CREBL2: variants seen among roughly 807,000 people sequenced by gnomAD.
CREBL2 encodes the protein cAMP responsive element binding protein like 2.
CREBL2 carries 4 observed loss-of-function variants against 19.5 expected under a neutral mutation model. The observed-to-expected ratio is 0.20, with a 90% CI of 0.10 to 0.47. The LOEUF is 0.47. Among genes scored for constraint, CREBL2 ranks in the 20% least tolerant of loss-of-function variants. CREBL2 has a pLI of 0.98. For missense variants in CREBL2, 85 were observed against 145.1 expected, an observed-to-expected ratio of 0.59 and a Z score of 2.13; for synonymous variants, 42 against 46.6, an observed-to-expected ratio of 0.90 and a Z score of 0.40.
rs183465932 is a variant in CREBL2 at position 12,629,276 on chromosome 12, C to G, written c.16-6501C>G. On this transcript the variant is annotated intron_variant, in intron 1 of 3. Coordinates refer to ENST00000228865, the MANE Select transcript of CREBL2 (RefSeq NM_001310.4). ...TGGGCTGCCTTTCCATTTATCAGAT[C>G]TTCTTTAATTTCTTTTAATGATATT... Among the ~76,000 whole-genome samples the G allele has an allele frequency of 3.9e-5, 6 of 152,200 alleles. No homozygotes were observed. In the South Asian group the frequency reaches 1.2e-3, roughly 32 times the overall value.
chr12:12,641,925 C>G, intron 3 of CREBL2, 69 bp from the exon 4 acceptor site: 1 of 1,200,018 alleles, frequency 8.3e-7, no homozygotes, highest in South Asian at 1.5e-5. Context: ...ATTTATGCAT[C>G]TTAAAACAGA....
chr12:12,634,825 G>A (rs1043083871), intron 1 of CREBL2, among the ~76,000 whole-genome samples: 1 of 152,160 alleles, frequency 6.6e-6, no homozygotes, highest in Non-Finnish European at 1.5e-5. Flanking sequence ...AGAGGCGGAG[G>A]CAGGAGGATC....
At position 12,612,141 on chromosome 12, in the gene CREBL2, G is replaced by A; in HGVS notation, c.-32G>A. The A allele has an allele frequency of 2.5e-6, 4 of 1,610,506 alleles. No individual in the cohort carries two copies. Among genetic ancestry groups the A allele is most frequent in the Non-Finnish European group, 3.4e-6 (4 of 1,179,852 alleles). Reference sequence around the variant, plus strand: ...TGAGCCGGGGGAGGGCTCCGGGAGGGAGTGCCTGGCCAGGCCGGCCTGTCT... The same window carrying A: ...TGAGCCGGGGGAGGGCTCCGGGAGGAAGTGCCTGGCCAGGCCGGCCTGTCT... On this transcript the variant is annotated 5_prime_UTR_variant, in exon 1 of 4. Coordinates refer to ENST00000228865, the MANE Select transcript of CREBL2 (RefSeq NM_001310.4).
rs762006069 is a variant in CREBL2 at position 12,612,140 on chromosome 12, G to A, written c.-33G>A. ...CTGAGCCGGGGGAGGGCTCCGGGAG[G>A]GAGTGCCTGGCCAGGCCGGCCTGTC... is the stretch of plus-strand genomic sequence containing the variant. On this transcript the variant is annotated 5_prime_UTR_variant, in exon 1 of 4. Coordinates refer to ENST00000228865, the MANE Select transcript of CREBL2 (RefSeq NM_001310.4). 6.2e-7 allele frequency: 1 copy of A among 1,610,262 alleles called. No homozygotes were observed. The highest frequency in any genetic ancestry group is 2.2e-5 in the East Asian group (1 of 44,864).
chr12:12,619,221 C>G (rs575652296), intron 1 of CREBL2, among the ~76,000 whole-genome samples: 1 of 152,296 alleles, frequency 6.6e-6, no homozygotes, highest in East Asian at 1.9e-4. Context: ...ATAAAATGAA[C>G]TTAAGCTCTG....
chr12:12,617,080 T>A (rs1201939048), intron 1 of CREBL2, among the ~76,000 whole-genome samples: 1 of 152,242 alleles, frequency 6.6e-6, no homozygotes, highest in Non-Finnish European at 1.5e-5. Flanking sequence ...GCCATCTAGC[T>A]GGCTGGAGTG....
chr12:12,626,930 C>T (rs971003703), intron 1 of CREBL2, among the ~76,000 whole-genome samples: 5 of 149,534 alleles, frequency 3.3e-5, no homozygotes, highest in Admixed American at 6.7e-5. Flanking sequence ...TATCAAGCCA[C>T]GAAAAGTCAT....
intron 1 of CREBL2, among the ~76,000 whole-genome samples, chr12:12,635,224 C>T (rs1406525587): frequency 6.6e-6 from 1 of 151,968 alleles, no homozygotes; most frequent in African/African-American, 2.4e-5. Context: ...GAAAAATTAG[C>T]CAGGCATGGT....
chr12:12,611,968 G>A lies in CREBL2; in HGVS notation c.-205G>A. The A allele has an allele frequency of 1.6e-6, 1 of 608,574 alleles. No homozygotes were observed. Among genetic ancestry groups the A allele is most frequent in the Non-Finnish European group, 2.8e-6 (1 of 352,692 alleles). The allele number at this position is 608,574 out of a possible 1,614,324, so 37.7% of individuals were successfully genotyped here. ...GCGGCGGCGAAGGGAGGCGTTTGGGGCCGCCTCCAGGGTCCGCTCTGCCAT... is the reference window on the plus strand; with the variant it reads ...GCGGCGGCGAAGGGAGGCGTTTGGGACCGCCTCCAGGGTCCGCTCTGCCAT... On this transcript the variant is annotated 5_prime_UTR_variant, in exon 1 of 4. Transcript: ENST00000228865.
intron 1 of CREBL2, among the ~76,000 whole-genome samples, chr12:12,618,799 C>G (rs889004183): frequency 1.3e-5 from 2 of 152,228 alleles, no homozygotes; most frequent in African/African-American, 4.8e-5. Flanking sequence ...GAGGCCCAGG[C>G]GGGCAGATCA....
intron 1 of CREBL2, among the ~76,000 whole-genome samples, chr12:12,618,349 G>C (rs1364228944): frequency 6.6e-6 from 1 of 151,954 alleles, no homozygotes; most frequent in Admixed American, 6.6e-5. Context: ...TTACCTCCTA[G>C]ACGGGGTGGC....
At chr12:12,636,396 T>G (rs1050974989) in intron 2 of CREBL2, among the ~76,000 whole-genome samples, 5 of 152,168 alleles carry the variant, frequency 3.3e-5, no homozygotes, top group Non-Finnish European at 7.4e-5. Context: ...TGTGTTTAAG[T>G]GACTTTATTT....
chr12:12,634,707 AT>A (rs1945461775), intron 1 of CREBL2, among the ~76,000 whole-genome samples: 1 of 152,098 alleles, frequency 6.6e-6, no homozygotes, highest in Admixed American at 6.5e-5. Flanking sequence ...ACAGTTTTGA[AT>A]GTTGAGTTCT....
chr12:12,641,253 A>ATTATTATTTTT (rs1478394376), intron 3 of CREBL2, among the ~76,000 whole-genome samples: 22 of 78,236 alleles, frequency 2.8e-4, no homozygotes, highest in Middle Eastern at 8.5e-3. Context: ...TATTATTATT[A>ATTATTATTTTT]TTTTTTTTTA....
intron 1 of CREBL2, among the ~76,000 whole-genome samples, chr12:12,633,507 A>T (rs569977580): frequency 6.6e-6 from 1 of 152,330 alleles, no homozygotes; most frequent in South Asian, 2.1e-4. Flanking sequence ...AGGTTTTGAA[A>T]ACTTGAAACT....
chr12:12,628,871 A>G (rs563998129), intron 1 of CREBL2, among the ~76,000 whole-genome samples: 246 of 152,370 alleles, frequency 1.6e-3, no homozygotes, highest in Non-Finnish European at 2.7e-3. Context: ...CCTTTATTGA[A>G]GAGACTATTC....
chr12:12,626,872 A>T (rs1312210125), intron 1 of CREBL2, among the ~76,000 whole-genome samples: 1 of 144,992 alleles, frequency 6.9e-6, no homozygotes, highest in Non-Finnish European at 1.5e-5. Context: ...CCTGTTTCTT[A>T]AAAAAAAAAA....
chr12:12,612,145 G>A lies in CREBL2; in HGVS notation c.-28G>A. 6.2e-7 allele frequency: 1 copy of A among 1,610,858 alleles called. No homozygotes were observed. Among genetic ancestry groups the A allele is most frequent in the Non-Finnish European group, 8.5e-7 (1 of 1,179,898 alleles). Reference sequence around the variant, plus strand: ...CCGGGGGAGGGCTCCGGGAGGGAGTGCCTGGCCAGGCCGGCCTGTCTGCCG... The same window carrying A: ...CCGGGGGAGGGCTCCGGGAGGGAGTACCTGGCCAGGCCGGCCTGTCTGCCG... On this transcript the variant is annotated 5_prime_UTR_variant, in exon 1 of 4. Coordinates refer to ENST00000228865, the MANE Select transcript of CREBL2 (RefSeq NM_001310.4).
chr12:12,633,867 A>G (rs1945457127), intron 1 of CREBL2, among the ~76,000 whole-genome samples: 1 of 152,200 alleles, frequency 6.6e-6, no homozygotes, highest in Non-Finnish European at 1.5e-5. Context: ...ACCTACATTT[A>G]TTCTAATGAT....
Sources: allele counts gnomAD v4.1 joint callset (sites outside exome capture counted in the v4.1 genomes callset), GRCh38; gene constraint gnomAD v4.1.1; transcripts MANE v1.5; gene names NCBI Gene and HGNC (gene_info 2026-07-23, HGNC 2026-07-21).